The following AADACL4 variants were observed in gnomAD, a reference collection of about 807,000 sequenced individuals.
The protein encoded by AADACL4 is arylacetamide deacetylase-like 4.
AADACL4 carries 9 observed loss-of-function variants against 14.1 expected under a neutral mutation model. The observed-to-expected ratio is 0.64, with a 90% confidence interval of 0.39 to 1.12. The LOEUF is 1.12. Among genes scored for constraint, AADACL4 ranks in the 50% most tolerant of loss-of-function variants. The probability of loss-of-function intolerance (pLI) is 0.01; values close to 1 mark genes in which losing one functional copy is unlikely to be tolerated. For synonymous variants in AADACL4, 188 were observed against 201.6 expected (o/e 0.93, Z 0.57); for missense variants, 531 against 516.1 (o/e 1.03, Z -0.28).
chr1:12,663,675 G>T (rs910715736), intron 3 of AADACL4, among the ~76,000 whole-genome samples: 19 of 152,258 alleles, frequency 1.2e-4, no homozygotes, highest in South Asian at 6.2e-4. Context: ...CCAATAGAAA[G>T]TACCTAATAT....
chr1:12,665,929 TG>T (rs773297349), intron 3 of AADACL4, 31 bp from the exon 4 acceptor site: 20 of 1,570,014 alleles, frequency 1.3e-5, no homozygotes, highest in Admixed American at 1.8e-5. Context: ...CTGTCCACAC[TG>T]GTGTAGTGTT....
chr1:12,648,506 C>G (rs772459814), intron 1 of AADACL4, among the ~76,000 whole-genome samples: 13 of 151,918 alleles, frequency 8.6e-5, no homozygotes, highest in Non-Finnish European at 1.5e-4. Context: ...AAGTAATTTT[C>G]CCACCTCAGC....
chr1:12,650,386 G>A, intron 1 of AADACL4, among the ~76,000 whole-genome samples: 1 of 152,088 alleles, frequency 6.6e-6, no homozygotes, highest in East Asian at 1.9e-4. Context: ...ATTGAACACG[G>A]ACACAGTTAG....
intron 1 of AADACL4, among the ~76,000 whole-genome samples, chr1:12,648,449 T>G (rs761768168): frequency 6.6e-6 from 1 of 151,572 alleles, no homozygotes; most frequent in Non-Finnish European, 1.5e-5. Context: ...CAGGCTGAAG[T>G]GCAGTGGCAT....
intron 2 of AADACL4, among the ~76,000 whole-genome samples, chr1:12,658,418 C>A (rs968314366): frequency 6.6e-6 from 1 of 152,036 alleles, no homozygotes; most frequent in African/African-American, 2.4e-5. Flanking sequence ...GCCACCACAC[C>A]TGGATAATTT....
chr1:12,663,542 T>C (rs1022795033), intron 3 of AADACL4, among the ~76,000 whole-genome samples: 1 of 152,082 alleles, frequency 6.6e-6, no homozygotes, highest in Non-Finnish European at 1.5e-5. Flanking sequence ...TGCATTGCAG[T>C]GTAGGATTTC....
chr1:12,647,360 A>G (rs1018366862), intron 1 of AADACL4, among the ~76,000 whole-genome samples: 3 of 152,076 alleles, frequency 2.0e-5, no homozygotes, highest in African/African-American at 7.2e-5. Flanking sequence ...TGGCCTCCCA[A>G]AGTGCTAGGA....
chr1:12,649,273 C>T (rs1647130497), intron 1 of AADACL4, among the ~76,000 whole-genome samples: 1 of 152,126 alleles, frequency 6.6e-6, no homozygotes, highest in African/African-American at 2.4e-5. Context: ...AGTTTGGTGT[C>T]CAACCACCTG....
At chr1:12,661,749 T>C in intron 2 of AADACL4, 42 bp from the exon 3 acceptor site, 2 of 1,592,368 alleles carry the variant, frequency 1.3e-6, no homozygotes, top group Non-Finnish European at 1.7e-6. Context: ...ATGGTTTGGG[T>C]CCTACTCATG....
intron 2 of AADACL4, among the ~76,000 whole-genome samples, chr1:12,654,001 T>C (rs987766071): frequency 6.6e-6 from 1 of 152,102 alleles, no homozygotes; most frequent in Non-Finnish European, 1.5e-5. Flanking sequence ...GTGAGTCCTA[T>C]CCCCAAAGCC....
intron 2 of AADACL4, among the ~76,000 whole-genome samples, chr1:12,658,369 G>A (rs1047925070): frequency 1.5e-4 from 22 of 151,580 alleles, no homozygotes; most frequent in African/African-American, 4.9e-4. Flanking sequence ...AGCGAGTATC[G>A]TGCCTCAGCC....
rs1297591369 is a variant in AADACL4 at position 12,661,752 on chromosome 1, T to C, written c.386-39T>C. On this transcript the variant is annotated intron_variant, in intron 2 of 3. Transcript: ENST00000376221. ...GGCTGTGGTGAGATGGTTTGGGTCC[T>C]ACTCATGCGCTGCTGCTCTGAGTGT... 2.5e-6 allele frequency: 4 copies of C among 1,600,022 alleles called. No homozygotes were observed. The East Asian group carries it at 6.7e-5, about 27-fold the overall frequency.
intron 1 of AADACL4, among the ~76,000 whole-genome samples, chr1:12,646,439 A>C (rs952279729): frequency 6.6e-6 from 1 of 152,208 alleles, no homozygotes; most frequent in Admixed American, 6.5e-5. Flanking sequence ...TTTTAGAGAC[A>C]CCGACAAGTT....
intron 1 of AADACL4, among the ~76,000 whole-genome samples, chr1:12,648,222 G>A (rs1451913368): frequency 6.6e-6 from 1 of 152,028 alleles, no homozygotes; most frequent in Non-Finnish European, 1.5e-5. Context: ...CGCCTGCCTC[G>A]GCCTCCCAAA....
intron 2 of AADACL4, among the ~76,000 whole-genome samples, chr1:12,657,648 A>T (rs1647187342): frequency 6.6e-6 from 1 of 152,212 alleles, no homozygotes; most frequent in African/African-American, 2.4e-5. Context: ...CTACCTTTAT[A>T]GGTTTCTTTA....
Position 12,661,776 on chromosome 1 carries a change from G to A in AADACL4, c.386-15G>A, listed in dbSNP as rs764266102. ...CTACTCATGCGCTGCTGCTCTGAGTGTTTTTGTCTTGCAGATTGTTACCAT... is the reference window on the plus strand; with the variant it reads ...CTACTCATGCGCTGCTGCTCTGAGTATTTTTGTCTTGCAGATTGTTACCAT... On this transcript the variant is annotated splice_polypyrimidine_tract_variant and intron_variant, in intron 2 of 3. Coordinates refer to ENST00000376221, the MANE Select transcript of AADACL4 (RefSeq NM_001013630.2). 1.9e-6 allele frequency: 3 copies of A among 1,613,734 alleles called. No homozygotes were observed. In the African/African-American group the frequency reaches 4.0e-5, roughly 22 times the overall value.
intron 1 of AADACL4, among the ~76,000 whole-genome samples, chr1:12,648,216 T>C (rs4614272): frequency 0.12 from 18,227 of 152,148 alleles, 2,305 homozygotes; most frequent in African/African-American, 0.32. Context: ...GTGATCCGCC[T>C]GCCTCGGCCT....
In AADACL4 at chr1:12,666,466, C is replaced by T; in HGVS notation, c.955C>T (p.Leu319=). 3 of 1,614,216 alleles carry T rather than the reference C, an allele frequency of 1.9e-6. No homozygotes were observed. Among genetic ancestry groups the T allele is most frequent in the Non-Finnish European group, 2.5e-6 (3 of 1,180,038 alleles). Reference sequence around the variant, plus strand: ...TGCCTATCTAGAAGCCAAACATATGCTGGATGTAGAAAATTCACCCCTGAT... The same window carrying T: ...TGCCTATCTAGAAGCCAAACATATGTTGGATGTAGAAAATTCACCCCTGAT... ...EAAYLEAKHM[L]DVENSPLIAD... Residue 319 remains leucine (L), a synonymous_variant, in exon 4 of 4, where the codon CTG becomes TTG. Transcript: ENST00000376221.
chr1:12,651,998 T>A (rs1026897756), intron 2 of AADACL4, among the ~76,000 whole-genome samples: 54 of 151,454 alleles, frequency 3.6e-4, no homozygotes, highest in Non-Finnish European at 6.8e-4. Context: ...CCAGCTAATT[T>A]TTTTTTTTTT....
Sources: gnomAD v4.1 joint callset for allele counts (sites outside exome capture counted in the v4.1 genomes callset) on GRCh38, gnomAD v4.1.1 for gene constraint, MANE v1.5 for transcripts, NCBI Gene and HGNC (gene_info 2026-07-23, HGNC 2026-07-21) for gene names.